TEK: variants seen among roughly 807,000 people sequenced by gnomAD.
TEK encodes the protein angiopoietin-1 receptor.
Under a neutral mutation model 131.8 loss-of-function variants are expected in TEK, and 43 were observed. The observed-to-expected ratio is 0.33, with a 90% CI of 0.26 to 0.42. TEK has a LOEUF of 0.42. TEK is among the 10% of genes least tolerant of loss of function. The pLI is 1.00. For synonymous variants in TEK, 580 were observed against 491.6 expected, an observed-to-expected ratio of 1.18 and a Z score of -2.38; for missense variants, 1,162 against 1,384.4, an observed-to-expected ratio of 0.84 and a Z score of 2.55.
intron 9 of TEK, among the ~76,000 whole-genome samples, chr9:27,190,221 G>A (rs1437201612): frequency 6.6e-6 from 1 of 152,040 alleles, no homozygotes; most frequent in Non-Finnish European, 1.5e-5. Context: ...AGTGGGCAGG[G>A]GCTTAATCAC....
chr9:27,119,153 ATGAT>A (rs1821684558), intron 1 of TEK, among the ~76,000 whole-genome samples: 1 of 152,168 alleles, frequency 6.6e-6, no homozygotes, highest in Non-Finnish European at 1.5e-5. Flanking sequence ...TCAGTAGGAA[ATGAT>A]GGAGACAAGA....
intron 1 of TEK, among the ~76,000 whole-genome samples, chr9:27,144,080 G>A (rs1822827025): frequency 1.3e-5 from 2 of 152,152 alleles, no homozygotes; most frequent in Admixed American, 6.5e-5. Context: ...TCAAGAGATC[G>A]ATACCATCCT....
At chr9:27,114,923 CATCT>C (rs1183514464) in intron 1 of TEK, among the ~76,000 whole-genome samples, 1 of 152,184 alleles carries the variant, frequency 6.6e-6, no homozygotes, top group African/African-American at 2.4e-5. Context: ...TTCATTCACT[CATCT>C]ATCCTTTCAA....
intron 1 of TEK, among the ~76,000 whole-genome samples, chr9:27,146,046 C>G (rs1471294033): frequency 6.6e-6 from 1 of 152,156 alleles, no homozygotes; most frequent in Non-Finnish European, 1.5e-5. Flanking sequence ...GACTTCTAAG[C>G]TTAGATGTCA....
chr9:27,158,689 C>G (rs1823433661), intron 2 of TEK, among the ~76,000 whole-genome samples: 1 of 144,170 alleles, frequency 6.9e-6, no homozygotes, highest in African/African-American at 2.6e-5. Context: ...GGGGTGGAGT[C>G]TCACTCTGTC....
rs1564066061 is a variant in TEK at position 27,157,902 on chromosome 9, C to G, written c.124C>G (p.Leu42Val). 2 of 1,614,096 alleles carry G rather than the reference C, an allele frequency of 1.2e-6. No individual in the cohort carries two copies. The highest frequency in any genetic ancestry group is 1.7e-6 in the Non-Finnish European group (2 of 1,180,012). ...TCTTGTATCTGATGCTGAAACATCT[C>G]TCACCTGCATTGCCTCTGGGTGGCG... ...LPLVSDAETS[L>V]TCIASGWRPH... The change falls in exon 2 of 23, where the codon CTC (leucine) becomes GTC (valine). Residue 42 changes from leucine (L) to valine (V), a missense_variant. Physicochemically the swap from Leu to Val is conservative, Grantham distance 32. Coordinates refer to ENST00000380036, the MANE Select transcript of TEK (RefSeq NM_000459.5).
intron 21 of TEK, among the ~76,000 whole-genome samples, chr9:27,225,339 ATAC>A (rs1051063624): frequency 3.7e-4 from 57 of 152,322 alleles, no homozygotes; most frequent in African/African-American, 1.2e-3. Flanking sequence ...ACTTCAAACT[ATAC>A]TACAAGGCTA....
chr9:27,200,873 C>T (rs1825190755), intron 12 of TEK, among the ~76,000 whole-genome samples: 1 of 152,128 alleles, frequency 6.6e-6, no homozygotes, highest in Non-Finnish European at 1.5e-5. Flanking sequence ...AGATGAGGAA[C>T]CTGAGGCACA....
At chr9:27,209,355 A>G in intron 16 of TEK, 124 bp downstream of exon 16, 1 of 753,964 alleles carries the variant, frequency 1.3e-6, no homozygotes, top group Non-Finnish European at 2.3e-6. Flanking sequence ...TGCATCTTCT[A>G]TCTGAATGTC....
At position 27,229,166 on chromosome 9, in the gene TEK, G is replaced by A. The variant is rs199954698; in HGVS notation, c.3309G>A (p.Val1103=). ...NRMLEERKTY[V]NTTLYEKFTY... ...CATTTTCATTCTTCCAGACCTACGT[G>A]AATACCACGCTTTATGAGAAGTTTA... Residue 1103 remains valine, a synonymous_variant, in exon 23 of 23, where the codon GTG becomes GTA. Coordinates refer to ENST00000380036, the MANE Select transcript of TEK (RefSeq NM_000459.5). 230 of 1,613,778 alleles carry A rather than the reference G, an allele frequency of 1.4e-4. 1 individual carries two copies. The Middle Eastern group carries it at 2.3e-3, about 16-fold the overall frequency.
chr9:27,138,253 C>T (rs1202051068), intron 1 of TEK, among the ~76,000 whole-genome samples: 2 of 152,236 alleles, frequency 1.3e-5, no homozygotes, highest in African/African-American at 4.8e-5. Context: ...CCGCTGCTGG[C>T]TCAGGTGGCC....
chr9:27,221,146 A>T (rs1252821353), intron 21 of TEK, among the ~76,000 whole-genome samples: 1 of 152,212 alleles, frequency 6.6e-6, no homozygotes, highest in South Asian at 2.1e-4. Flanking sequence ...ATGTAAAAAA[A>T]GTCACAGGGA....
At chr9:27,180,847 A>C (rs1824341148) in intron 7 of TEK, among the ~76,000 whole-genome samples, 1 of 152,248 alleles carries the variant, frequency 6.6e-6, no homozygotes. Flanking sequence ...TTTAACCCAC[A>C]GACTAAATCC....
At chr9:27,170,136 A>T (rs1044638577) in intron 4 of TEK, among the ~76,000 whole-genome samples, 1 of 152,104 alleles carries the variant, frequency 6.6e-6, no homozygotes, top group African/African-American at 2.4e-5. Flanking sequence ...ACCATATTAA[A>T]CCATCAAATC....
At chr9:27,222,008 A>G (rs1014673983) in intron 21 of TEK, among the ~76,000 whole-genome samples, 25 of 152,218 alleles carry the variant, frequency 1.6e-4, no homozygotes, top group African/African-American at 5.8e-4. Flanking sequence ...GGTTAGATGA[A>G]TTGCAACTAG....
chr9:27,178,531 A>T (rs1350164055), intron 6 of TEK, among the ~76,000 whole-genome samples: 1 of 152,138 alleles, frequency 6.6e-6, no homozygotes, highest in Non-Finnish European at 1.5e-5. Flanking sequence ...ATTGTATTGA[A>T]TTTGTAGATA....
At chr9:27,154,800 A>C (rs1254478103) in intron 1 of TEK, among the ~76,000 whole-genome samples, 5 of 152,190 alleles carry the variant, frequency 3.3e-5, no homozygotes, top group African/African-American at 1.2e-4. Context: ...ATGCTGAACA[A>C]GGGTAGCGAA....
At chr9:27,169,313 G>C (rs577200105) in intron 3 of TEK, among the ~76,000 whole-genome samples, 164 bp from the exon 4 acceptor site, 1 of 152,182 alleles carries the variant, frequency 6.6e-6, no homozygotes, top group Non-Finnish European at 1.5e-5. Flanking sequence ...TGACTATTGA[G>C]AGAGTACTGA....
At chr9:27,218,930 GATGTGACTTGGA>G (rs1230660757) in intron 20 of TEK, 113 bp downstream of exon 20, 1 of 1,056,614 alleles carries the variant, frequency 9.5e-7, no homozygotes, top group East Asian at 2.4e-5. Flanking sequence ...GGTTCTACCA[GATGTGACTTGGA>G]AATAGAAACA....
Sources: gnomAD v4.1 joint callset for allele counts (sites outside exome capture counted in the v4.1 genomes callset) on GRCh38, gnomAD v4.1.1 for gene constraint, MANE v1.5 for transcripts, NCBI Gene and HGNC (gene_info 2026-07-23, HGNC 2026-07-21) for gene names.